Variants in HIVEP2 observed in about 807,000 individuals in gnomAD.
HIVEP2 encodes transcription factor HIVEP2.
Under a neutral mutation model 180.7 loss-of-function variants are expected in HIVEP2, and 14 were observed. The observed-to-expected ratio is 0.08, with a 90% CI of 0.05 to 0.12. HIVEP2 has a LOEUF of 0.12. Ranked by LOEUF, HIVEP2 falls within the 10% of genes least tolerant of loss-of-function variation. HIVEP2 has a pLI of 1.00. For missense variants in HIVEP2, 2,579 were observed against 3,008.5 expected (o/e 0.86, Z 3.34); for synonymous variants, 1,184 against 1,136.4 (o/e 1.04, Z -0.84).
chr6:142,837,401 T>C (rs1490177871), intron 1 of HIVEP2, among the ~76,000 whole-genome samples: 1 of 152,112 alleles, frequency 6.6e-6, no homozygotes, highest in Non-Finnish European at 1.5e-5. Flanking sequence ...ATTATACTCA[T>C]TGATTCTTCT....
In HIVEP2 at chr6:142,772,747, C is replaced by G; in HGVS notation, c.1992G>C (p.Leu664Phe). The part of the protein sequence containing the change: ...PKQNYRDISC[L>F]SSLKHGGEYF... ...ATTCTCCACCATGCTTTAAAGAACT[C>G]AAGCAGGAAATGTCCCTGTAGTTTT... The change falls in exon 5 of 10, where the codon TTG (leucine) becomes TTC (phenylalanine). Residue 664 changes from leucine (L) to phenylalanine (F), a missense_variant. Transcript: ENST00000367603. This position sits in a 1 kb window ranked among gnomAD's most constrained non-coding sequence, Gnocchi z 4.9. 1 of 1,614,214 alleles carries G rather than the reference C, an allele frequency of 6.2e-7. No homozygotes were observed.
At chr6:142,826,935 AT>A (rs1774919672) in intron 2 of HIVEP2, among the ~76,000 whole-genome samples, 1 of 152,218 alleles carries the variant, frequency 6.6e-6, no homozygotes, top group African/African-American at 2.4e-5. Context: ...TAAAACAGGA[AT>A]TCAGCAAACG....
chr6:142,795,922 G>A (rs1224364881), intron 2 of HIVEP2, among the ~76,000 whole-genome samples: 2 of 152,140 alleles, frequency 1.3e-5, no homozygotes, highest in African/African-American at 2.4e-5. Flanking sequence ...TGGACAAACC[G>A]TGGGTGAATC....
intron 1 of HIVEP2, among the ~76,000 whole-genome samples, chr6:142,905,923 C>G (rs1273247753): frequency 6.6e-6 from 1 of 152,118 alleles, no homozygotes. Context: ...CACTGGAAGT[C>G]AGGAGTTCGA....
At chr6:142,919,836 A>G (rs978718192) in intron 1 of HIVEP2, among the ~76,000 whole-genome samples, 1 of 152,246 alleles carries the variant, frequency 6.6e-6, no homozygotes, top group Non-Finnish European at 1.5e-5. Flanking sequence ...TAATGTTAAT[A>G]AGTTGTAAAT....
At chr6:142,864,329 G>C (rs1776080795) in intron 1 of HIVEP2, among the ~76,000 whole-genome samples, 2 of 152,086 alleles carry the variant, frequency 1.3e-5, no homozygotes, top group South Asian at 4.1e-4. Context: ...GAAACGGAGG[G>C]TAAAGTGCTG....
rs1486539752 is a variant in HIVEP2, at chr6:142,761,251, G to A, written c.5620+213C>T. On this transcript the variant is annotated intron_variant, in intron 8 of 9. Coordinates refer to ENST00000367603, the MANE Select transcript of HIVEP2 (RefSeq NM_006734.4). ...TAAATATAAGTATTTTCAAAGTAAG[G>A]CCTTTTTTGCCCTCGGAGTCAAAAC... is the stretch of plus-strand genomic sequence containing the variant. Among the ~76,000 whole-genome samples, 3 of 152,082 alleles carry A rather than the reference G, an allele frequency of 2.0e-5. No individual in the cohort carries two copies. In the East Asian group the frequency reaches 5.8e-4, roughly 29 times the overall value.
intron 1 of HIVEP2, among the ~76,000 whole-genome samples, chr6:142,937,131 T>C (rs1207854006): frequency 6.6e-6 from 1 of 152,202 alleles, no homozygotes; most frequent in Non-Finnish European, 1.5e-5. Context: ...GAGAATTTAG[T>C]TCACTTCATT....
intron 2 of HIVEP2, among the ~76,000 whole-genome samples, chr6:142,826,491 G>A (rs1009952920): frequency 2.0e-5 from 3 of 152,180 alleles, no homozygotes; most frequent in African/African-American, 7.2e-5. Context: ...ATGTACAGAT[G>A]AACAAACATA....
At chr6:142,766,781 A>G (rs1775389591) in intron 6 of HIVEP2, among the ~76,000 whole-genome samples, 1 of 152,226 alleles carries the variant, frequency 6.6e-6, no homozygotes, top group South Asian at 2.1e-4. Flanking sequence ...GATTTTGAAA[A>G]ACATTCAAAG....
chr6:142,801,349 CA>C (rs1406985306), intron 2 of HIVEP2, among the ~76,000 whole-genome samples: 2 of 145,240 alleles, frequency 1.4e-5, no homozygotes, highest in African/African-American at 5.2e-5. Flanking sequence ...GCGGAGGTTG[CA>C]GTGAGCTGAG....
intron 1 of HIVEP2, among the ~76,000 whole-genome samples, chr6:142,899,293 C>G (rs1459503037): frequency 6.6e-6 from 1 of 152,208 alleles, no homozygotes; most frequent in African/African-American, 2.4e-5. Flanking sequence ...TCCCACCCAT[C>G]CTGCAAGAGG....
chr6:142,929,119 T>C (rs1335660438), intron 1 of HIVEP2, among the ~76,000 whole-genome samples: 4 of 152,228 alleles, frequency 2.6e-5, no homozygotes, highest in Non-Finnish European at 5.9e-5. Flanking sequence ...AATTCTTGTG[T>C]TTTTGATTTG....
chr6:142,927,119 G>A (rs1342166152), intron 1 of HIVEP2, among the ~76,000 whole-genome samples: 2 of 151,942 alleles, frequency 1.3e-5, no homozygotes, highest in Admixed American at 1.3e-4. Context: ...CTGGGGCTCC[G>A]CGGGGAAGAG....
intron 2 of HIVEP2, among the ~76,000 whole-genome samples, chr6:142,798,204 T>C (rs956148412): frequency 1.3e-5 from 2 of 151,442 alleles, no homozygotes; most frequent in Non-Finnish European, 2.9e-5. Flanking sequence ...AACTAGCTCC[T>C]CTTGCAGTGA....
intron 1 of HIVEP2, among the ~76,000 whole-genome samples, chr6:142,858,571 C>G (rs1295203931): frequency 6.6e-6 from 1 of 152,072 alleles, no homozygotes; most frequent in Non-Finnish European, 1.5e-5. Context: ...CACCTGCCCT[C>G]TTATTTTTTT....
chr6:142,898,238 C>T (rs1467834178), intron 1 of HIVEP2, among the ~76,000 whole-genome samples: 1 of 152,088 alleles, frequency 6.6e-6, no homozygotes, highest in Non-Finnish European at 1.5e-5. Context: ...ATCAAGGATC[C>T]CAGAGGTTTA....
At chr6:142,803,566 TACACACACAC>T (rs10688831) in intron 2 of HIVEP2, among the ~76,000 whole-genome samples, 5 of 141,640 alleles carry the variant, frequency 3.5e-5, no homozygotes, top group Admixed American at 3.5e-4. Context: ...ATATATAGCA[TACACACACAC>T]ACACACACAC....
chr6:142,803,675 A>G (rs889990117), intron 2 of HIVEP2, among the ~76,000 whole-genome samples: 2 of 152,112 alleles, frequency 1.3e-5, no homozygotes, highest in African/African-American at 4.8e-5. Context: ...TAAAGTCAGT[A>G]GTTGCCTTCA....
Sources: gnomAD v4.1 joint callset for allele counts (sites outside exome capture counted in the v4.1 genomes callset) on GRCh38, gnomAD v4.1.1 for gene constraint, Gnocchi (gnomAD v3.1) non-coding constraint, MANE v1.5 for transcripts, NCBI Gene and HGNC (gene_info 2026-07-23, HGNC 2026-07-21) for gene names.